Variants in AR observed in about 807,000 individuals in gnomAD.
AR encodes the protein dihydrotestosterone receptor.
A neutral mutation model predicts 53.9 loss-of-function variants in AR; 8 were observed. That is an observed-to-expected ratio of 0.15 (90% CI 0.09 to 0.27). The LOEUF is 0.27. Among genes scored for constraint, AR ranks in the 10% least tolerant of loss-of-function variants. The probability of loss-of-function intolerance (pLI) is 1.00; values close to 1 mark genes in which losing one functional copy is unlikely to be tolerated. For missense variants in AR, 639 were observed against 742.5 expected, an observed-to-expected ratio of 0.86 and a Z score of 1.62; for synonymous variants, 359 against 316.4, an observed-to-expected ratio of 1.13 and a Z score of -1.43.
At position 67,726,747 on chromosome X, in the gene AR, T is replaced by C; in HGVS notation, c.*2906T>C. 2.9e-5 allele frequency: 5 copies of C among 175,241 alleles called. No individual in the cohort carries two copies. Among genetic ancestry groups the C allele is most frequent in the Non-Finnish European group, 1.1e-5 (1 of 91,447 alleles). The allele number at this position is 175,241 out of a possible 1,213,427, so 14.4% of individuals were successfully genotyped here. A position where few individuals can be genotyped will look rare whatever the true frequency, so the allele number is the denominator to read the frequency against. On this transcript the variant is annotated 3_prime_UTR_variant, in exon 8 of 8. Coordinates refer to ENST00000374690, the MANE Select transcript of AR (RefSeq NM_000044.6). ...GATGAAAGGAGGAGGATTTTTTTTT[T>C]CTTTTGGCCATTGATGTTCTAGCCA...
chrX:67,676,966 C>T (rs2075903950), intron 2 of AR, among the ~76,000 whole-genome samples: 1 of 110,356 alleles, frequency 9.1e-6, no homozygotes, highest in Non-Finnish European at 1.9e-5. Context: ...TCTTGATGCC[C>T]AAGCTGCCAA....
chrX:67,721,989 G>GC, intron 6 of AR, 26 bp downstream of exon 6: 1 of 1,208,192 alleles, frequency 8.3e-7, no homozygotes, highest in Non-Finnish European at 1.1e-6. Flanking sequence ...TGCAGGGAAT[G>GC]CCCCCTGAGG....
intron 1 of AR, among the ~76,000 whole-genome samples, chrX:67,627,978 T>C (rs986686251): frequency 9.0e-5 from 10 of 111,658 alleles, no homozygotes; most frequent in African/African-American, 2.9e-4. Context: ...AGGGCTCTGT[T>C]CTGTTTCATT....
chrX:67,558,978 G>A (rs758042482), intron 1 of AR, among the ~76,000 whole-genome samples: 1 of 111,899 alleles, frequency 8.9e-6, no homozygotes, highest in Admixed American at 9.5e-5. Context: ...TAGAATCTAG[G>A]TAGTTCAGCT....
rs1929600852 is a variant in AR, at chrX:67,544,266, T to C, written c.-881T>C. The C allele has an allele frequency of 5.8e-6, 1 of 172,418 alleles. No homozygotes were observed. The highest frequency in any genetic ancestry group is 1.1e-5 in the Non-Finnish European group (1 of 90,282). The allele number at this position is 172,418 out of a possible 1,213,427, so 14.2% of individuals were successfully genotyped here. On this transcript the variant is annotated 5_prime_UTR_variant, in exon 1 of 8. Transcript: ENST00000374690. ...GCCCTTTCCTCTTCGGTGAAGTTTT[T>C]AAAAGCTGCTAAAGACTCGGAGGAA...
intron 4 of AR, among the ~76,000 whole-genome samples, chrX:67,716,892 C>G (rs908498675): frequency 8.9e-6 from 1 of 111,810 alleles, no homozygotes; most frequent in African/African-American, 3.3e-5. Context: ...GAGCACAGAC[C>G]TTGGAATCTG....
At chrX:67,712,669 A>G (rs1331652492) in intron 4 of AR, among the ~76,000 whole-genome samples, 20 of 112,177 alleles carry the variant, frequency 1.8e-4, no homozygotes, top group Non-Finnish European at 1.5e-4. Context: ...GGGAAGCCCT[A>G]GGTCACTCTT....
chrX:67,566,181 A>G (rs1458477125), intron 1 of AR, among the ~76,000 whole-genome samples: 1 of 111,968 alleles, frequency 8.9e-6, no homozygotes, highest in Non-Finnish European at 1.9e-5. Context: ...TGAGCATTTC[A>G]TTTGCGAATT....
intron 2 of AR, chrX:67,685,793 T>TAA: frequency 2.1e-6 from 1 of 474,724 alleles, no homozygotes; most frequent in Non-Finnish European, 3.4e-6. Flanking sequence ...TGTTCATCCC[T>TAA]AAAAAAAACA....
At chrX:67,573,809 C>T (rs919486040) in intron 1 of AR, among the ~76,000 whole-genome samples, 1 of 111,782 alleles carries the variant, frequency 8.9e-6, no homozygotes, top group Non-Finnish European at 1.9e-5. Flanking sequence ...AATTTGTAGA[C>T]CACGTGGTTT....
Position 67,546,517 on chromosome X carries a change from C to CGGCGGT in AR, c.1376_1377insTGGCGG (p.Gly472_Gly473dup). ...CGTGTGGTGGTGGTGGGGGTGGTGGCGGCGGCGGCGGCGGCGGCGGCGGCG... is the reference window on the plus strand; with the variant it reads ...CGTGTGGTGGTGGTGGGGGTGGTGGCGGCGGTGGCGGCGGCGGCGGCGGCGGCGGCG... On this transcript the variant is annotated inframe_insertion, in exon 1 of 8. Transcript: ENST00000374690. 1 of 176,810 alleles carries CGGCGGT rather than the reference C, an allele frequency of 5.7e-6. No homozygotes were observed. The highest frequency in any genetic ancestry group is 7.2e-6 in the Non-Finnish European group (1 of 138,895). The allele number at this position is 176,810 out of a possible 1,213,427, so 14.6% of individuals were successfully genotyped here.
At chrX:67,651,277 G>T (rs1435060155) in intron 2 of AR, among the ~76,000 whole-genome samples, 1 of 106,146 alleles carries the variant, frequency 9.4e-6, no homozygotes, top group Non-Finnish European at 1.9e-5. Context: ...TCGAACTCCT[G>T]ACCTCGTGAT....
At chrX:67,648,968 G>A (rs1020887807) in intron 2 of AR, among the ~76,000 whole-genome samples, 2 of 111,498 alleles carry the variant, frequency 1.8e-5, no homozygotes, top group Non-Finnish European at 3.8e-5. Flanking sequence ...GTGGTGTGCT[G>A]CAACCAACAA....
chrX:67,614,877 C>T (rs2147390152), intron 1 of AR, among the ~76,000 whole-genome samples: 1 of 108,872 alleles, frequency 9.2e-6, no homozygotes, highest in African/African-American at 3.3e-5. Flanking sequence ...GTAGAGAATG[C>T]CAATAAAGAG....
chrX:67,627,665 G>C (rs984998155), intron 1 of AR, among the ~76,000 whole-genome samples: 2 of 111,592 alleles, frequency 1.8e-5, no homozygotes, highest in Non-Finnish European at 3.8e-5. Flanking sequence ...TTTGACTTTT[G>C]GTGTTTTAGA....
At position 67,725,306 on chromosome X, in the gene AR, A is replaced by G. The variant is rs1436670315; in HGVS notation, c.*1465A>G. On this transcript the variant is annotated 3_prime_UTR_variant, in exon 8 of 8. Coordinates refer to ENST00000374690, the MANE Select transcript of AR (RefSeq NM_000044.6). Reference sequence around the variant, plus strand: ...TCTCAGATCGCTGGAGCCCTTAGACAAACTGGAAAGAAGGCATCAAAGGGA... The same window carrying G: ...TCTCAGATCGCTGGAGCCCTTAGACGAACTGGAAAGAAGGCATCAAAGGGA... 5.8e-6 allele frequency: 1 copy of G among 173,420 alleles called. No homozygotes were observed. Among genetic ancestry groups the G allele is most frequent in the African/African-American group, 3.0e-5 (1 of 33,737 alleles). The allele number at this position is 173,420 out of a possible 1,213,427, so 14.3% of individuals were successfully genotyped here.
At chrX:67,585,688 A>C (rs1205428065) in intron 1 of AR, among the ~76,000 whole-genome samples, 1 of 112,242 alleles carries the variant, frequency 8.9e-6, no homozygotes, top group African/African-American at 3.2e-5. Flanking sequence ...GAAGGTTTAA[A>C]AATCACCATA....
intron 1 of AR, among the ~76,000 whole-genome samples, chrX:67,629,788 T>A (rs1186217400): frequency 9.0e-6 from 1 of 110,568 alleles, no homozygotes; most frequent in African/African-American, 3.3e-5. Context: ...GCTATAAATT[T>A]CCCTCTACAC....
rs757475257 is a variant in AR, at chrX:67,572,773, G to A, written c.1616+26011G>A. 4.4e-3 allele frequency among the ~76,000 whole-genome samples: 494 copies of A among 111,469 alleles called. 2 individuals are homozygous for A. The highest frequency in any genetic ancestry group is 0.015 in the African/African-American group (472 of 30,727). ...TTCTTTTCAGGTAGGAAACTCTACT[G>A]TGTATTTGGCTAGTTCAACCTATCA... On this transcript the variant is annotated intron_variant, in intron 1 of 7. Coordinates refer to ENST00000374690, the MANE Select transcript of AR (RefSeq NM_000044.6).
Sources: gnomAD v4.1 joint callset for allele counts (sites outside exome capture counted in the v4.1 genomes callset) on GRCh38, gnomAD v4.1.1 for gene constraint, MANE v1.5 for transcripts, NCBI Gene and HGNC (gene_info 2026-07-23, HGNC 2026-07-21) for gene names.